The following ANKRD17 variants were observed in gnomAD, a reference collection of about 807,000 sequenced individuals.
ANKRD17 encodes ankyrin repeat domain 17.
ANKRD17 carries 19 observed loss-of-function variants against 229.7 expected under a neutral mutation model. The ratio of observed to expected loss-of-function variants is 0.08; its 90% CI spans 0.06 to 0.12. ANKRD17 has a LOEUF of 0.12. ANKRD17 is among the 10% of genes least tolerant of loss of function. The pLI is 1.00. For synonymous variants in ANKRD17, 1,112 were observed against 1,146.1 expected, an observed-to-expected ratio of 0.97 and a Z score of 0.60; for missense variants, 2,176 against 3,176.8, an observed-to-expected ratio of 0.68 and a Z score of 7.57.
chr4:73,092,438 G>T (rs1198987860), intron 28 of ANKRD17, 138 bp from the exon 29 acceptor site: 15 of 702,082 alleles, frequency 2.1e-5, no homozygotes, highest in Non-Finnish European at 3.2e-5. Flanking sequence ...ACAAAGGACA[G>T]ATAACAAAAG....
chr4:73,255,816 C>T lies in ANKRD17; in HGVS notation c.393+2460G>A, dbSNP rs186844062. On this transcript the variant is annotated intron_variant, in intron 1 of 33. Coordinates refer to ENST00000358602, the MANE Select transcript of ANKRD17 (RefSeq NM_032217.5). The stretch of plus-strand genomic sequence containing the variant: ...TCAGCTCACTGCAACCTCCACCTCC[C>T]GGGTTCAAGCAATTCTCCTGCCTCA... Among the ~76,000 whole-genome samples, 1,501 of 152,152 alleles carry T rather than the reference C, an allele frequency of 9.9e-3. 11 individuals carry two copies. Among genetic ancestry groups the T allele is most frequent in the Middle Eastern group, 0.021 (6 of 292 alleles).
At chr4:73,171,202 AG>A (rs1733977152) in intron 2 of ANKRD17, among the ~76,000 whole-genome samples, 1 of 151,412 alleles carries the variant, frequency 6.6e-6, no homozygotes, top group Non-Finnish European at 1.5e-5. Flanking sequence ...AGAGAGAGAG[AG>A]AGAGAGAGAG....
intron 24 of ANKRD17, among the ~76,000 whole-genome samples, chr4:73,105,260 G>A (rs551321436): frequency 1.6e-4 from 24 of 151,940 alleles, no homozygotes; most frequent in African/African-American, 4.4e-4. Flanking sequence ...GTTTGCAGGC[G>A]GTAGCTGAAA....
At chr4:73,200,737 T>C (rs1035689052) in intron 1 of ANKRD17, among the ~76,000 whole-genome samples, 7 of 152,084 alleles carry the variant, frequency 4.6e-5, no homozygotes, top group African/African-American at 1.7e-4. Context: ...AGAATTCTTC[T>C]TTCCCATCCT....
intron 1 of ANKRD17, among the ~76,000 whole-genome samples, chr4:73,239,615 C>T (rs1310971598): frequency 6.6e-6 from 1 of 152,022 alleles, no homozygotes; most frequent in Non-Finnish European, 1.5e-5. Flanking sequence ...CAGAAAAAGG[C>T]ATAGGATTAC....
intron 1 of ANKRD17, among the ~76,000 whole-genome samples, chr4:73,186,406 G>C (rs1474056189): frequency 1.3e-5 from 2 of 152,022 alleles, no homozygotes; most frequent in African/African-American, 2.4e-5. Context: ...ATGGTATTCT[G>C]AGATTATAGT....
At chr4:73,118,568 A>C in intron 22 of ANKRD17, 120 bp downstream of exon 22, 1 of 1,088,852 alleles carries the variant, frequency 9.2e-7, no homozygotes. Context: ...AATTATTTGC[A>C]TATTATTGCT....
chr4:73,143,276 T>C (rs1405396747), intron 11 of ANKRD17, among the ~76,000 whole-genome samples: 1 of 152,150 alleles, frequency 6.6e-6, no homozygotes, highest in South Asian at 2.1e-4. Context: ...CAAATAGGAA[T>C]GTATCCCTAA....
intron 1 of ANKRD17, among the ~76,000 whole-genome samples, chr4:73,207,510 C>T (rs922291564): frequency 7.9e-5 from 12 of 152,034 alleles, no homozygotes; most frequent in African/African-American, 2.7e-4. Flanking sequence ...CAAGAGCTAT[C>T]GACATGCTGT....
In ANKRD17 at chr4:73,194,370, A is replaced by T. The variant is rs548758648; in HGVS notation, c.394-16837T>A. On this transcript the variant is annotated intron_variant, in intron 1 of 33. Transcript: ENST00000358602. ...GAGAAGACTACATTTTCTCTATTGA[A>T]TTGCCTTGGCATCTCTGTCAAGTAT... Among the ~76,000 whole-genome samples the T allele has an allele frequency of 1.3e-4, 20 of 152,306 alleles. No individual in the cohort carries two copies. The South Asian group carries it at 2.1e-3, about 16-fold the overall frequency.
At chr4:73,170,557 T>C (rs1733852618) in intron 2 of ANKRD17, among the ~76,000 whole-genome samples, 1 of 151,774 alleles carries the variant, frequency 6.6e-6, no homozygotes, top group South Asian at 2.1e-4. Flanking sequence ...GGCTGTTAAG[T>C]AGAAAGTGGA....
chr4:73,243,262 A>G (rs1455687593), intron 1 of ANKRD17, among the ~76,000 whole-genome samples: 1 of 152,220 alleles, frequency 6.6e-6, no homozygotes, highest in African/African-American at 2.4e-5. Context: ...ATCAAATAAC[A>G]ATGACATTTC....
chr4:73,107,945 A>G (rs1415733023), intron 24 of ANKRD17, among the ~76,000 whole-genome samples: 2 of 152,190 alleles, frequency 1.3e-5, no homozygotes, highest in Non-Finnish European at 2.9e-5. Flanking sequence ...TTAAATGACT[A>G]ATGCAGGTAT....
intron 1 of ANKRD17, among the ~76,000 whole-genome samples, chr4:73,233,445 T>C (rs1180445533): frequency 1.3e-5 from 2 of 152,246 alleles, no homozygotes; most frequent in East Asian, 3.8e-4. Context: ...AATGTGATTA[T>C]ATAAATACTA....
At chr4:73,176,136 G>A (rs1734705323) in intron 2 of ANKRD17, among the ~76,000 whole-genome samples, 1 of 152,084 alleles carries the variant, frequency 6.6e-6, no homozygotes, top group African/African-American at 2.4e-5. Context: ...ATCCAAAAAT[G>A]GGTCAAAGAT....
intron 1 of ANKRD17, among the ~76,000 whole-genome samples, chr4:73,233,597 T>C (rs1237691768): frequency 6.6e-6 from 1 of 152,184 alleles, no homozygotes; most frequent in Non-Finnish European, 1.5e-5. Context: ...ACAGCAGCTA[T>C]TTCTTCCCAC....
chr4:73,178,160 G>A (rs1281300141), intron 1 of ANKRD17, among the ~76,000 whole-genome samples: 1 of 152,134 alleles, frequency 6.6e-6, no homozygotes, highest in African/African-American at 2.4e-5. Flanking sequence ...TCCTTAAAGT[G>A]ACAGACTCAC....
chr4:73,248,508 C>T (rs995569671), intron 1 of ANKRD17, among the ~76,000 whole-genome samples: 1 of 151,852 alleles, frequency 6.6e-6, no homozygotes, highest in Non-Finnish European at 1.5e-5. Flanking sequence ...CTTCAAAACC[C>T]TTATAATACC....
chr4:73,188,457 C>T (rs1044079763), intron 1 of ANKRD17, among the ~76,000 whole-genome samples: 2 of 151,956 alleles, frequency 1.3e-5, no homozygotes, highest in East Asian at 1.9e-4. Context: ...TGGTGGTATG[C>T]GCCTGTAGTC....
Sources: gnomAD v4.1 joint callset for allele counts (sites outside exome capture counted in the v4.1 genomes callset) on GRCh38, gnomAD v4.1.1 for gene constraint, MANE v1.5 for transcripts, NCBI Gene and HGNC (gene_info 2026-07-23, HGNC 2026-07-21) for gene names.